The following SUGCT variants were observed in gnomAD, a reference collection of about 807,000 sequenced individuals.
SUGCT encodes the protein succinyl-CoA:glutarate-CoA transferase.
Under a neutral mutation model 55.0 loss-of-function variants are expected in SUGCT, and 41 were observed. The ratio of observed to expected loss-of-function variants is 0.74; its 90% confidence interval spans 0.58 to 0.97. SUGCT has a LOEUF of 0.97. Ranked by LOEUF, SUGCT falls within the 50% of genes least tolerant of loss-of-function variation. The probability of loss-of-function intolerance (pLI) is 0.00; values close to 1 mark genes in which losing one functional copy is unlikely to be tolerated. For synonymous variants in SUGCT, 187 were observed against 200.4 expected, an observed-to-expected ratio of 0.93 and a Z score of 0.56; for missense variants, 568 against 547.8, an observed-to-expected ratio of 1.04 and a Z score of -0.37.
At chr7:40,255,984 G>A (rs1454469197) in intron 7 of SUGCT, among the ~76,000 whole-genome samples, 2 of 152,082 alleles carry the variant, frequency 1.3e-5, no homozygotes, top group East Asian at 1.9e-4. Context: ...GGGGATGGTC[G>A]GTGGAGCTTT....
At chr7:40,165,113 C>T (rs1442983463) in intron 1 of SUGCT, among the ~76,000 whole-genome samples, 1 of 152,172 alleles carries the variant, frequency 6.6e-6, no homozygotes, top group Non-Finnish European at 1.5e-5. Flanking sequence ...TTTTCTGCCT[C>T]CTCATGCATA....
chr7:40,294,385 C>A (rs537697236), intron 8 of SUGCT, among the ~76,000 whole-genome samples: 1 of 152,326 alleles, frequency 6.6e-6, no homozygotes, highest in African/African-American at 2.4e-5. Flanking sequence ...AGCTCTTCAT[C>A]TGAAGCCCTT....
the SUGCT span, among the ~76,000 whole-genome samples, chr7:40,951,107 T>A: frequency 2.6e-5 from 4 of 152,130 alleles, no homozygotes; most frequent in Non-Finnish European, 5.9e-5. Flanking sequence ...TTTTGGGTGG[T>A]AGGCTATTAA....
At chr7:41,012,650 T>C in the SUGCT span, among the ~76,000 whole-genome samples, 1 of 152,166 alleles carries the variant, frequency 6.6e-6, no homozygotes, top group Non-Finnish European at 1.5e-5. Context: ...GCCTCATTTA[T>C]ATTGTGATTA....
intron 13 of SUGCT, among the ~76,000 whole-genome samples, chr7:40,774,956 C>T (rs1276826770): frequency 6.6e-6 from 1 of 152,148 alleles, no homozygotes; most frequent in Non-Finnish European, 1.5e-5. Flanking sequence ...AAAAAAACCT[C>T]TAAATGAGAC....
chr7:40,834,992 G>A (rs1401387937), intron 13 of SUGCT, among the ~76,000 whole-genome samples: 4 of 152,026 alleles, frequency 2.6e-5, no homozygotes, highest in Non-Finnish European at 5.9e-5. Flanking sequence ...ACTTTTTAGT[G>A]TTTTCATTCA....
At chr7:40,890,549 G>C in the SUGCT span, among the ~76,000 whole-genome samples, 2 of 151,704 alleles carry the variant, frequency 1.3e-5, no homozygotes, top group Admixed American at 1.3e-4. Flanking sequence ...AGCCCCTTTG[G>C]GCTCAAGCTC....
At chr7:40,984,314 G>A in the SUGCT span, among the ~76,000 whole-genome samples, 1 of 152,018 alleles carries the variant, frequency 6.6e-6, no homozygotes, top group African/African-American at 2.4e-5. Context: ...TCCAGGCATT[G>A]TGCTAGGTGT....
chr7:40,649,133 A>G (rs1407747085), intron 12 of SUGCT, among the ~76,000 whole-genome samples: 1 of 151,532 alleles, frequency 6.6e-6, no homozygotes, highest in Non-Finnish European at 1.5e-5. Context: ...CTTTGCTTAT[A>G]TTTTCTCTGG....
the SUGCT span, among the ~76,000 whole-genome samples, chr7:40,975,942 C>T: frequency 2.0e-5 from 3 of 152,118 alleles, no homozygotes; most frequent in Non-Finnish European, 4.4e-5. Flanking sequence ...TCTTTCATAG[C>T]CCTGCCTTAA....
chr7:40,672,436 T>G (rs774790382), intron 12 of SUGCT, among the ~76,000 whole-genome samples: 12 of 152,250 alleles, frequency 7.9e-5, no homozygotes, highest in Non-Finnish European at 1.8e-4. Context: ...CAGGGAATTA[T>G]GCCCAGAGAA....
chr7:40,143,474 A>C (rs1363237813), intron 1 of SUGCT, among the ~76,000 whole-genome samples: 2 of 152,214 alleles, frequency 1.3e-5, no homozygotes, highest in African/African-American at 4.8e-5. Context: ...ATCCTGGAAA[A>C]GAGCTACCAT....
chr7:40,943,727 C>G, the SUGCT span, among the ~76,000 whole-genome samples: 219 of 151,758 alleles, frequency 1.4e-3, no homozygotes, highest in African/African-American at 5.0e-3. Flanking sequence ...GTGAATAGTG[C>G]CGCAATAAAC....
the SUGCT span, among the ~76,000 whole-genome samples, chr7:41,000,221 T>C: frequency 2.0e-4 from 31 of 152,032 alleles, no homozygotes; most frequent in Non-Finnish European, 8.8e-5. Context: ...CACACACGCA[T>C]GGACATACAG....
chr7:40,950,439 A>G, the SUGCT span, among the ~76,000 whole-genome samples: 2 of 152,166 alleles, frequency 1.3e-5, no homozygotes, highest in East Asian at 1.9e-4. Flanking sequence ...CTAATTGAAT[A>G]CACTTTATTT....
intron 13 of SUGCT, among the ~76,000 whole-genome samples, chr7:40,799,251 A>G (rs1790698229): frequency 6.7e-6 from 1 of 150,192 alleles, no homozygotes; most frequent in African/African-American, 2.5e-5. Context: ...CCAAACACTC[A>G]AACCAGACCT....
intron 8 of SUGCT, among the ~76,000 whole-genome samples, chr7:40,309,510 G>T (rs1279153410): frequency 1.3e-5 from 2 of 152,104 alleles, no homozygotes; most frequent in African/African-American, 2.4e-5. Flanking sequence ...GGTCAGGCTG[G>T]TCTTGAATTC....
chr7:40,273,488 T>C (rs1792247749), intron 7 of SUGCT, among the ~76,000 whole-genome samples: 1 of 152,168 alleles, frequency 6.6e-6, no homozygotes, highest in African/African-American at 2.4e-5. Context: ...TAGTGACAAG[T>C]AGAAACTATC....
the SUGCT span, among the ~76,000 whole-genome samples, chr7:41,033,338 C>A: frequency 3.9e-5 from 6 of 152,172 alleles, no homozygotes; most frequent in Non-Finnish European, 8.8e-5. Context: ...CCCTAGTTCT[C>A]TTTTTTGTCC....
Sources: gnomAD v4.1 joint callset for allele counts (sites outside exome capture counted in the v4.1 genomes callset) on GRCh38, gnomAD v4.1.1 for gene constraint, MANE v1.5 for transcripts, NCBI Gene and HGNC (gene_info 2026-07-23, HGNC 2026-07-21) for gene names.